The following THAP4 variants were observed in gnomAD, a reference collection of about 807,000 sequenced individuals.
The protein encoded by THAP4 is THAP domain containing 4.
Under a neutral mutation model 48.1 loss-of-function variants are expected in THAP4, and 18 were observed. The ratio of observed to expected loss-of-function variants is 0.37; its 90% CI spans 0.26 to 0.56. THAP4 has a LOEUF of 0.56. THAP4 is among the 20% of genes least tolerant of loss of function. THAP4 has a pLI of 0.78. For missense variants in THAP4, 656 were observed against 774.9 expected (o/e 0.85, Z 1.82); for synonymous variants, 345 against 324.9 (o/e 1.06, Z -0.66).
chr2:241,633,581 C>T lies in THAP4; in HGVS notation c.576G>A (p.Ala192=), dbSNP rs779670446. 316 of 1,613,546 alleles carry T rather than the reference C, an allele frequency of 2.0e-4. 1 individual carries two copies. Among genetic ancestry groups the T allele is most frequent in the South Asian group, 6.7e-4 (61 of 91,066 alleles). The change falls in exon 2 of 6, where the codon GCG becomes GCA. Residue 192 remains alanine, a synonymous_variant. Coordinates refer to ENST00000407315, the MANE Select transcript of THAP4 (RefSeq NM_015963.6). This position sits in a 1 kb window ranked among gnomAD's most constrained non-coding sequence, Gnocchi z 7.5. ...MVAGSQGKAE[A]SATDAGDESA... ...TCTCATCGCCAGCATCTGTGGCAGA[C>T]GCTTCTGCTTTTCCCTGACTGCCTG...
At position 241,601,855 on chromosome 2, in the gene THAP4, A is replaced by C. The variant is rs1559222153; in HGVS notation, c.1614+41T>G. ...GAGGCTGACTCCACAGACCGCTGCA[A>C]ACAGAAGACAGGAGCGTGCTGGGAG... On this transcript the variant is annotated intron_variant, in intron 5 of 5. Transcript: ENST00000407315. This position sits in a 1 kb window ranked among gnomAD's most constrained non-coding sequence, Gnocchi z 4.0. The C allele has an allele frequency of 6.2e-7, 1 of 1,611,742 alleles. No homozygotes were observed. The highest frequency in any genetic ancestry group is 1.7e-5 in the Admixed American group (1 of 59,696).
At chr2:241,625,481 CAAA>C (rs67920958) in intron 2 of THAP4, among the ~76,000 whole-genome samples, 10 of 88,432 alleles carry the variant, frequency 1.1e-4, no homozygotes, top group African/African-American at 1.3e-4. Context: ...GACACTGTCT[CAAA>C]AAAAAAAAAA....
intron 3 of THAP4, among the ~76,000 whole-genome samples, chr2:241,605,811 G>C (rs536335160): frequency 1.5e-4 from 23 of 151,900 alleles, no homozygotes; most frequent in Middle Eastern, 3.4e-3. Flanking sequence ...GGCCCTCCCT[G>C]GGTTCAAGCA....
intron 5 of THAP4, among the ~76,000 whole-genome samples, chr2:241,596,427 A>G (rs2067047253): frequency 1.3e-5 from 2 of 149,188 alleles, no homozygotes; most frequent in Admixed American, 1.3e-4. Context: ...GAACCACTTG[A>G]ACCTGGGAGG....
At chr2:241,619,555 G>C (rs529980471) in intron 2 of THAP4, among the ~76,000 whole-genome samples, 2 of 152,194 alleles carry the variant, frequency 1.3e-5, no homozygotes, top group Non-Finnish European at 2.9e-5. Flanking sequence ...TCTAAACATA[G>C]AAAACCTACA....
chr2:241,632,885 G>T, intron 2 of THAP4, 32 bp downstream of exon 2: 4 of 1,510,882 alleles, frequency 2.6e-6, no homozygotes, highest in Non-Finnish European at 3.6e-6. Context: ...TAACGGGAAG[G>T]GAACATGGGT....
intron 2 of THAP4, chr2:241,617,450 G>T: frequency 6.4e-7 from 1 of 1,551,276 alleles, no homozygotes; most frequent in Non-Finnish European, 8.7e-7. Context: ...ACTCGTCAAG[G>T]TTCCTCAAGG....
chr2:241,630,382 AAAC>A (rs1423541592), intron 2 of THAP4, among the ~76,000 whole-genome samples: 1 of 152,188 alleles, frequency 6.6e-6, no homozygotes, highest in Non-Finnish European at 1.5e-5. Context: ...TAACCAGCAT[AAAC>A]AACAACTCAG....
chr2:241,587,582 GT>G (rs1334018106), intron 5 of THAP4, among the ~76,000 whole-genome samples: 1 of 152,206 alleles, frequency 6.6e-6, no homozygotes, highest in African/African-American at 2.4e-5. Flanking sequence ...ATACTGGGGC[GT>G]AAAATAAGTC....
chr2:241,590,650 G>A (rs2066956139), intron 5 of THAP4, among the ~76,000 whole-genome samples: 1 of 151,980 alleles, frequency 6.6e-6, no homozygotes, highest in Non-Finnish European at 1.5e-5. Context: ...CCCGGCTGAC[G>A]ATGATGGGCA....
chr2:241,621,684 CAGAA>C (rs2067430559), intron 2 of THAP4, among the ~76,000 whole-genome samples: 1 of 151,954 alleles, frequency 6.6e-6, no homozygotes, highest in African/African-American at 2.4e-5. Flanking sequence ...ATGGGAATGC[CAGAA>C]AGAGATAAAA....
At chr2:241,591,631 C>G (rs1347585733) in intron 5 of THAP4, among the ~76,000 whole-genome samples, 3 of 152,046 alleles carry the variant, frequency 2.0e-5, no homozygotes, top group African/African-American at 7.2e-5. Context: ...ACAGGGGGGC[C>G]GGGCTCTTCA....
At chr2:241,594,607 C>A (rs1292196415) in intron 5 of THAP4, 7 of 356,242 alleles carry the variant, frequency 2.0e-5, no homozygotes, top group Admixed American at 1.1e-4. Flanking sequence ...ACAACAACAA[C>A]AAAAACCGGG....
chr2:241,596,808 A>AAAC (rs1018959633), intron 5 of THAP4, among the ~76,000 whole-genome samples: 9 of 152,028 alleles, frequency 5.9e-5, no homozygotes, highest in Admixed American at 2.0e-4. Context: ...TCCGTCTCAA[A>AAAC]AACAACAACA....
intron 5 of THAP4, among the ~76,000 whole-genome samples, chr2:241,598,735 C>T (rs76889690): frequency 0.15 from 22,487 of 152,090 alleles, 1,914 homozygotes; most frequent in South Asian, 0.37. Flanking sequence ...CCACTCACCT[C>T]CTGCAGTGAG....
At chr2:241,637,362 C>T (rs145615915), upstream of THAP4, 16,246 of 1,360,732 alleles carry the variant, frequency 0.012, 954 homozygotes, top group East Asian at 0.18. Context: ...ACGTCCGTAC[C>T]GCAAGATGGC....
intron 2 of THAP4, among the ~76,000 whole-genome samples, chr2:241,607,560 C>T (rs1559224865): frequency 6.6e-6 from 1 of 151,458 alleles, no homozygotes; most frequent in Non-Finnish European, 1.5e-5. Flanking sequence ...GACACTGACA[C>T]CCAGGAGCAG....
chr2:241,601,827 G>A lies in THAP4; in HGVS notation c.1614+69C>T. ...AGACACGCACTACCTCACGGAAGAG[G>A]AAGAGGCTGACTCCACAGACCGCTG... On this transcript the variant is annotated intron_variant, in intron 5 of 5. Coordinates refer to ENST00000407315, the MANE Select transcript of THAP4 (RefSeq NM_015963.6). The surrounding 1 kb of genome is among the most constrained non-coding windows in gnomAD (Gnocchi z 4.0). 2.5e-6 allele frequency: 4 copies of A among 1,597,606 alleles called. No individual in the cohort carries two copies. Among genetic ancestry groups the A allele is most frequent in the Middle Eastern group, 1.7e-4 (1 of 6,034 alleles).
chr2:241,628,585 C>T (rs1455290258), intron 2 of THAP4, among the ~76,000 whole-genome samples: 1 of 151,908 alleles, frequency 6.6e-6, no homozygotes, highest in Non-Finnish European at 1.5e-5. Flanking sequence ...CACTTCCTCC[C>T]TAAAGTCTGA....
Sources: allele counts gnomAD v4.1 joint callset (sites outside exome capture counted in the v4.1 genomes callset), GRCh38; gene constraint gnomAD v4.1.1; non-coding constraint Gnocchi (gnomAD v3.1); transcripts MANE v1.5; gene names NCBI Gene and HGNC (gene_info 2026-07-23, HGNC 2026-07-21).